Variants in CHTF18 observed in about 807,000 individuals in gnomAD.
The protein encoded by CHTF18 is chromosome transmission fidelity protein 18 homolog.
In CHTF18, 151 loss-of-function variants were observed where a neutral mutation model predicts 113.4. That is an observed-to-expected ratio of 1.33 (90% confidence interval 1.17 to 1.52). CHTF18 has a LOEUF of 1.52. Ranked by LOEUF, CHTF18 falls within the 40% of genes most tolerant of loss-of-function variation. The pLI is 0.00. For synonymous variants in CHTF18, 916 were observed against 598.8 expected (o/e 1.53, Z -7.74); for missense variants, 1,982 against 1,381.6 (o/e 1.43, Z -6.89).
intron 6 of CHTF18, 59 bp downstream of exon 6, chr16:790,458 G>C: frequency 6.2e-7 from 1 of 1,610,294 alleles, no homozygotes; most frequent in Admixed American, 1.7e-5. Flanking sequence ...CCAACTCCTA[G>C]CTCCTAGCGT....
intron 20 of CHTF18, 144 bp downstream of exon 20, chr16:797,236 G>C: frequency 3.0e-6 from 3 of 1,005,850 alleles, no homozygotes; most frequent in Non-Finnish European, 4.1e-6. Context: ...TCATGAGGCA[G>C]GGCCAGGGTA....
At chr16:792,087 C>G (rs538153882) in intron 9 of CHTF18, 137 bp from the exon 10 acceptor site, 9 of 1,533,206 alleles carry the variant, frequency 5.9e-6, no homozygotes, top group Non-Finnish European at 7.9e-6. Flanking sequence ...GAAAACGTGT[C>G]CTTCCTCGGG....
At chr16:792,935 A>G (rs1205266237) in intron 12 of CHTF18, 31 bp from the exon 13 acceptor site, 6 of 1,545,866 alleles carry the variant, frequency 3.9e-6, no homozygotes, top group South Asian at 1.2e-5. Context: ...GGGGCATACC[A>G]TCGGGCCCTC....
intron 15 of CHTF18, 98 bp downstream of exon 15, chr16:794,299 G>A (rs1269011807): frequency 3.6e-6 from 5 of 1,398,398 alleles, no homozygotes; most frequent in Admixed American, 4.2e-5. Context: ...ACGGGGAGGC[G>A]CTTTGGGGGT....
At position 795,704 on chromosome 16, in the gene CHTF18, A is replaced by G. The variant is rs376321739; in HGVS notation, c.2195A>G (p.Gln732Arg). The G allele has an allele frequency of 5.0e-6, 8 of 1,600,372 alleles. No individual in the cohort carries two copies. The African/African-American group carries it at 1.1e-4, about 23-fold the overall frequency. ...SQQEAQNRMS[Q>R]MRNLIQTLVS... ...CCCCAGGCCCAGAACCGGATGAGCC[A>G]GATGAGGAACCTGATCCAGACGCTG... The change falls in exon 17 of 22, where the codon CAG becomes CGG. Residue 732 changes from glutamine to arginine, a missense_variant. Gln to Arg is a conservative substitution (Grantham distance 43). Coordinates refer to ENST00000262315, the MANE Select transcript of CHTF18 (RefSeq NM_022092.3).
At chr16:790,886 G>T (rs2042178786) in intron 7 of CHTF18, 4 of 1,432,342 alleles carry the variant, frequency 2.8e-6, no homozygotes, top group Admixed American at 2.9e-5. Flanking sequence ...GGTGTCACCT[G>T]ATCCAAGTCT....
intron 3 of CHTF18, 47 bp from the exon 4 acceptor site, chr16:789,500 T>A: frequency 6.4e-7 from 1 of 1,558,372 alleles, no homozygotes. Flanking sequence ...TATCCAAGGG[T>A]GACCCCACGC....
At chr16:792,127 G>T in intron 9 of CHTF18, 97 bp from the exon 10 acceptor site, 2 of 1,526,598 alleles carry the variant, frequency 1.3e-6, no homozygotes. Context: ...GCCGCGTCAT[G>T]TGACGGTCTC....
At position 790,490 on chromosome 16, in the gene CHTF18, G is replaced by C. The variant is rs373574138; in HGVS notation, c.753-35G>C. On this transcript the variant is annotated intron_variant, in intron 6 of 21. Coordinates refer to ENST00000262315, the MANE Select transcript of CHTF18 (RefSeq NM_022092.3). ...GCGTGTGGGTTGGCATGGTCCCTGC[G>C]AGTTGTTTGTGGCTCAGGACGTGGT... 10 of 1,606,426 alleles carry C rather than the reference G, an allele frequency of 6.2e-6. No homozygotes were observed. In the Admixed American group the frequency reaches 1.5e-4, roughly 24 times the overall value.
At chr16:793,872 T>C in intron 14 of CHTF18, 182 bp from the exon 15 acceptor site, 1 of 676,342 alleles carries the variant, frequency 1.5e-6, no homozygotes, top group South Asian at 1.8e-5. Flanking sequence ...AGGGAATGTT[T>C]CAGGGGGTTG....
rs372331315 is a variant in CHTF18 at position 791,864 on chromosome 16, G to A, written c.1118G>A (p.Cys373Tyr). 8 of 1,606,338 alleles carry A rather than the reference G, an allele frequency of 5.0e-6. 1 individual carries two copies. In the South Asian group the frequency reaches 7.8e-5, roughly 16 times the overall value. ...QRPKQKVALL[C>Y]GPPGLGKTTL... ...CCTGGGCTGCAGGTGGCACTGCTCTGTGGGCCCCCGGGGCTGGGGAAGACC... is the reference window on the plus strand; with the variant it reads ...CCTGGGCTGCAGGTGGCACTGCTCTATGGGCCCCCGGGGCTGGGGAAGACC... Residue 373 changes from cysteine to tyrosine, a missense_variant, in exon 9 of 22, where the codon TGT becomes TAT. Transcript: ENST00000262315.
chr16:795,343 G>A lies in CHTF18; in HGVS notation c.2162G>A (p.Ser721Asn). ...SSHTPRITFP[S>N]SQQEAQNRMS... ...CACACACCCAGGATCACCTTCCCCA[G>A]CAGCCAGCAGGAGGTGTGCTCGTCC... The change falls in exon 16 of 22, where the codon AGC becomes AAC. Residue 721 changes from serine to asparagine, a missense_variant. Ser to Asn is a conservative substitution (Grantham distance 46). Transcript: ENST00000262315. The A allele has an allele frequency of 6.5e-7, 1 of 1,546,280 alleles. No homozygotes were observed. Among genetic ancestry groups the A allele is most frequent in the Non-Finnish European group, 8.7e-7 (1 of 1,146,172 alleles).
In CHTF18 at chr16:788,853, G is replaced by A. The variant is rs1004452143; in HGVS notation, c.91+78G>A. 3.3e-6 allele frequency: 5 copies of A among 1,513,380 alleles called. No homozygotes were observed. In the African/African-American group the frequency reaches 5.8e-5, roughly 17 times the overall value. The allele number at this position is 1,513,380 out of a possible 1,614,324, so 93.7% of individuals were successfully genotyped here. ...GCGACCTCGGGGAGGGCGTGCCGGG[G>A]GCCGAAGGGGCCTCCACGTCGCCGC... On this transcript the variant is annotated intron_variant, in intron 1 of 21. Transcript: ENST00000262315.
At chr16:793,731 A>C in intron 14 of CHTF18, 1 of 644,130 alleles carries the variant, frequency 1.6e-6, no homozygotes, top group Non-Finnish European at 2.9e-6. Context: ...GCTGCAGGAT[A>C]TGGGAGACGC....
At chr16:789,450 T>A in intron 3 of CHTF18, 90 bp downstream of exon 3, 1 of 1,531,830 alleles carries the variant, frequency 6.5e-7, no homozygotes, top group Non-Finnish European at 8.8e-7. Context: ...GCCTGGGGGG[T>A]GGGGAGGGTT....
At position 792,090 on chromosome 16, in the gene CHTF18, T is replaced by G. The variant is rs1596755828; in HGVS notation, c.1203-134T>G. The stretch of plus-strand genomic sequence containing the variant: ...TGTGTGGGCCGGGAAAACGTGTCCT[T>G]CCTCGGGGTTCACGGGATCGGCAGC... On this transcript the variant is annotated intron_variant, in intron 9 of 21. Transcript: ENST00000262315. The G allele has an allele frequency of 1.2e-5, 18 of 1,531,628 alleles. No individual in the cohort carries two copies. In the South Asian group the frequency reaches 2.1e-4, roughly 17 times the overall value. 94.9% of individuals were successfully genotyped at this position (1,531,628 alleles called of 1,614,324 possible).
intron 15 of CHTF18, 58 bp from the exon 16 acceptor site, chr16:795,074 G>A (rs1465163258): frequency 1.5e-5 from 21 of 1,379,526 alleles, no homozygotes; most frequent in African/African-American, 4.3e-5. Flanking sequence ...TGGAGGGTCC[G>A]TGGTGGTGCA....
Position 796,842 on chromosome 16 carries a change from G to A in CHTF18, c.2582G>A (p.Arg861Gln), listed in dbSNP as rs781185303. Residue 861 changes from arginine (R) to glutamine (Q), a missense_variant, in exon 19 of 22, where the codon CGG becomes CAG. Physicochemically the swap from Arg to Gln is conservative, Grantham distance 43 (BLOSUM62 1). Transcript: ENST00000262315. ...ATGCGGCGGGCGGAGGCTTCTGCCC[G>A]GGTAGAGAACAGCCCCCAGGTGAGC... is the stretch of plus-strand genomic sequence containing the variant. ...EKMRRAEASA[R>Q]VENSPQVDGS... is the part of the protein sequence containing the mutation. 40 of 1,604,392 alleles carry A rather than the reference G, an allele frequency of 2.5e-5. No homozygotes were observed. The highest frequency in any genetic ancestry group is 5.0e-5 in the Admixed American group (3 of 59,556).
At chr16:793,576 C>A in intron 14 of CHTF18, 1 of 556,240 alleles carries the variant, frequency 1.8e-6, no homozygotes. Flanking sequence ...GTCCCAGTTG[C>A]ACCCTCATTT....
Sources: gnomAD v4.1 joint callset for allele counts on GRCh38, gnomAD v4.1.1 for gene constraint, MANE v1.5 for transcripts, NCBI Gene and HGNC (gene_info 2026-07-23, HGNC 2026-07-21) for gene names.